The following MAGI3 variants were observed in gnomAD, a reference collection of about 807,000 sequenced individuals.
MAGI3 encodes membrane associated guanylate kinase, WW and PDZ domain containing 3, also known as membrane-associated guanylate kinase, WW and PDZ domain-containing protein 3.
MAGI3 carries 43 observed loss-of-function variants against 121.8 expected under a neutral mutation model. That is an observed-to-expected ratio of 0.35 (90% CI 0.28 to 0.46). MAGI3 has a LOEUF of 0.46. Ranked by LOEUF, MAGI3 falls within the 20% of genes least tolerant of loss-of-function variation. The pLI is 1.00. For synonymous variants in MAGI3, 553 were observed against 639.3 expected, an observed-to-expected ratio of 0.86 and a Z score of 2.04; for missense variants, 1,547 against 1,797.3, an observed-to-expected ratio of 0.86 and a Z score of 2.52.
At chr1:113,575,279 T>G (rs1407134473) in intron 2 of MAGI3, among the ~76,000 whole-genome samples, 4 of 152,210 alleles carry the variant, frequency 2.6e-5, no homozygotes, top group Non-Finnish European at 5.9e-5. Context: ...TTCTGGTTTT[T>G]GGAATTTTCA....
In MAGI3 at chr1:113,585,450, A is replaced by C. The variant is rs777440651; in HGVS notation, c.617A>C (p.Asp206Ala). 4.3e-6 allele frequency: 7 copies of C among 1,614,144 alleles called. No individual in the cohort carries two copies. The South Asian group carries it at 6.6e-5, about 15-fold the overall frequency. Reference sequence around the variant, plus strand: ...AGCCCTTTTCAGCCAGATCCAGTTGATCAAGTCCTCTTTGATAATGAGTTT... The same window carrying C: ...AGCCCTTTTCAGCCAGATCCAGTTGCTCAAGTCCTCTTTGATAATGAGTTT... ...EPSPFQPDPVDQVLFDNEFDA... is the reference protein window; with the variant it reads ...EPSPFQPDPVAQVLFDNEFDA... The change falls in exon 4 of 21, where the codon GAT (aspartate) becomes GCT (alanine). Residue 206 changes from aspartate (D) to alanine (A), a missense_variant. Transcript: ENST00000307546.
chr1:113,547,715 A>ATAG (rs1241866357), intron 1 of MAGI3, among the ~76,000 whole-genome samples: 1 of 152,190 alleles, frequency 6.6e-6, no homozygotes. Context: ...CCGGTGATGA[A>ATAG]TAGTATACTG....
At chr1:113,520,613 T>C (rs1328246852) in intron 1 of MAGI3, among the ~76,000 whole-genome samples, 1 of 152,008 alleles carries the variant, frequency 6.6e-6, no homozygotes, top group Non-Finnish European at 1.5e-5. Context: ...TTTCTTCTTC[T>C]TTTTTTTATG....
Position 113,633,257 on chromosome 1 carries a change from T to G in MAGI3, c.1361-8654T>G, listed in dbSNP as rs1651771648. ...CTCATCATTTTTTTTTTTTTTTTTT[T>G]TTTTTTTTTTTTTTTTTTTTTTGAG... On this transcript the variant is annotated intron_variant, in intron 9 of 20. Coordinates refer to ENST00000307546, the MANE Select transcript of MAGI3 (RefSeq NM_001142782.2). Among the ~76,000 whole-genome samples, 6 of 54,450 alleles carry G rather than the reference T, an allele frequency of 1.1e-4. No individual in the cohort carries two copies. In the South Asian group the frequency reaches 5.9e-3, roughly 53 times the overall value. 35.7% of individuals were successfully genotyped at this position (54,450 alleles called of 152,430 possible).
chr1:113,555,083 A>G (rs1659932197), intron 2 of MAGI3, among the ~76,000 whole-genome samples: 1 of 152,052 alleles, frequency 6.6e-6, no homozygotes, highest in South Asian at 2.1e-4. Flanking sequence ...TATAAGCCAG[A>G]GTCCATCAAA....
At chr1:113,606,881 A>G (rs1380551364) in intron 6 of MAGI3, among the ~76,000 whole-genome samples, 1 of 152,184 alleles carries the variant, frequency 6.6e-6, no homozygotes, top group Non-Finnish European at 1.5e-5. Context: ...AAGTTTCAAC[A>G]TATAGGAAAA....
chr1:113,601,991 A>G (rs1054808166), intron 6 of MAGI3, among the ~76,000 whole-genome samples: 5 of 152,042 alleles, frequency 3.3e-5, no homozygotes, highest in Admixed American at 6.6e-5. Flanking sequence ...CAAACACCGT[A>G]TATTCTCACT....
intron 9 of MAGI3, among the ~76,000 whole-genome samples, chr1:113,635,844 TC>T (rs1270097791): frequency 6.6e-6 from 1 of 151,704 alleles, no homozygotes; most frequent in Non-Finnish European, 1.5e-5. Context: ...CGGCTGTGAA[TC>T]CATCTGGTCC....
In MAGI3 at chr1:113,684,306, A is replaced by G. The variant is rs1227970949; in HGVS notation, c.*292A>G. On this transcript the variant is annotated 3_prime_UTR_variant, in exon 21 of 21. Coordinates refer to ENST00000307546, the MANE Select transcript of MAGI3 (RefSeq NM_001142782.2). ...TCATGAGTGTCTGAACAAATGACAT[A>G]TGTTGATATTAACAATGTGGTCACA... The G allele has an allele frequency of 4.4e-6, 1 of 229,532 alleles. No individual in the cohort carries two copies. The highest frequency in any genetic ancestry group is 2.3e-5 in the African/African-American group (1 of 43,728). The allele number at this position is 229,532 out of a possible 1,614,324, so 14.2% of individuals were successfully genotyped here.
chr1:113,576,052 G>T (rs1038012237), intron 2 of MAGI3, among the ~76,000 whole-genome samples: 1 of 152,138 alleles, frequency 6.6e-6, no homozygotes, highest in African/African-American at 2.4e-5. Context: ...CACCAAGCTC[G>T]ATCATCCCAG....
intron 1 of MAGI3, among the ~76,000 whole-genome samples, chr1:113,426,020 C>G (rs1287231171): frequency 6.6e-6 from 1 of 151,718 alleles, no homozygotes; most frequent in African/African-American, 2.4e-5. Flanking sequence ...CTTCTTGTTT[C>G]TACTATAAAT....
rs1647713745 is a variant in MAGI3 at position 113,577,329 on chromosome 1, C to T, written c.434-3213C>T. ...AGTGGAGACTATTGTTGAAACATAGCACATTGTCTCAGTGAATGGTTGGGG... is the reference window on the plus strand; with the variant it reads ...AGTGGAGACTATTGTTGAAACATAGTACATTGTCTCAGTGAATGGTTGGGG... On this transcript the variant is annotated intron_variant, in intron 2 of 20. Transcript: ENST00000307546. Among the ~76,000 whole-genome samples the T allele has an allele frequency of 2.6e-5, 4 of 152,048 alleles. 1 individual carries two copies.
At chr1:113,400,252 T>G (rs1651332446) in intron 1 of MAGI3, among the ~76,000 whole-genome samples, 1 of 152,142 alleles carries the variant, frequency 6.6e-6, no homozygotes, top group South Asian at 2.1e-4. Context: ...ATACTATTTT[T>G]ATATTCTATT....
At chr1:113,570,227 C>A (rs566875889) in intron 2 of MAGI3, among the ~76,000 whole-genome samples, 1 of 152,102 alleles carries the variant, frequency 6.6e-6, no homozygotes, top group Admixed American at 6.5e-5. Flanking sequence ...GAACTCATCC[C>A]TTTTTATGGC....
At chr1:113,634,196 C>A (rs1229735022) in intron 9 of MAGI3, among the ~76,000 whole-genome samples, 1 of 152,132 alleles carries the variant, frequency 6.6e-6, no homozygotes, top group Non-Finnish European at 1.5e-5. Context: ...TGCCTGTTCA[C>A]TCTGATGGTA....
chr1:113,614,772 C>T, intron 7 of MAGI3, 114 bp downstream of exon 7: 1 of 689,262 alleles, frequency 1.5e-6, no homozygotes, highest in Middle Eastern at 4.2e-4. Context: ...TTGAGTTTTT[C>T]AACTAGGGGA....
At position 113,422,650 on chromosome 1, in the gene MAGI3, G is replaced by A. The variant is rs921819114; in HGVS notation, c.316+31301G>A. Among the ~76,000 whole-genome samples the A allele has an allele frequency of 1.2e-4, 19 of 152,244 alleles. No homozygotes were observed. Among genetic ancestry groups the A allele is most frequent in the African/African-American group, 3.1e-4 (13 of 41,466 alleles). On this transcript the variant is annotated intron_variant, in intron 1 of 20. Transcript: ENST00000307546. The surrounding 1 kb of genome is among the most constrained non-coding windows in gnomAD (Gnocchi z 4.3). ...AGGGTGCATCTATACCAGACATACC[G>A]CAAGCAGCTTCTGCTGCGGGCACTA...
At chr1:113,569,236 C>G (rs745409078) in intron 2 of MAGI3, among the ~76,000 whole-genome samples, 6 of 152,052 alleles carry the variant, frequency 3.9e-5, no homozygotes, top group Non-Finnish European at 8.8e-5. Flanking sequence ...TATATGATAC[C>G]TATACACTTC....
intron 1 of MAGI3, among the ~76,000 whole-genome samples, chr1:113,398,068 C>G (rs1015165394): frequency 1.3e-5 from 2 of 152,206 alleles, no homozygotes; most frequent in African/African-American, 4.8e-5. Flanking sequence ...AGCCACTCAG[C>G]TGCATTGCAG....
Sources: gnomAD v4.1 joint callset for allele counts (sites outside exome capture counted in the v4.1 genomes callset) on GRCh38, gnomAD v4.1.1 for gene constraint, Gnocchi (gnomAD v3.1) non-coding constraint, MANE v1.5 for transcripts, NCBI Gene and HGNC (gene_info 2026-07-23, HGNC 2026-07-21) for gene names.